RALGPS2: variants seen among roughly 807,000 people sequenced by gnomAD.
RALGPS2 encodes Ral GEF with PH domain and SH3 binding motif 2.
RALGPS2 carries 43 observed loss-of-function variants against 86.8 expected under a neutral mutation model. The observed-to-expected ratio is 0.50, with a 90% CI of 0.39 to 0.64. RALGPS2 has a LOEUF of 0.64. Ranked by LOEUF, RALGPS2 falls within the 30% of genes least tolerant of loss-of-function variation. The pLI is 0.00. For missense variants in RALGPS2, 536 were observed against 694.6 expected (o/e 0.77, Z 2.57); for synonymous variants, 243 against 231.3 (o/e 1.05, Z -0.46).
chr1:178,736,878 CAGA>C (rs1190337342), intron 1 of RALGPS2, among the ~76,000 whole-genome samples: 21 of 152,110 alleles, frequency 1.4e-4, no homozygotes, highest in African/African-American at 5.1e-4. Context: ...GCCTGGGCAA[CAGA>C]AGGACACCCC....
chr1:178,736,428 G>T (rs943010716), intron 1 of RALGPS2, among the ~76,000 whole-genome samples: 2 of 151,984 alleles, frequency 1.3e-5, no homozygotes. Context: ...TCCCAAAAGT[G>T]CTGGGATTAA....
intron 16 of RALGPS2, 165 bp downstream of exon 16, chr1:178,894,189 TC>T: frequency 2.0e-6 from 1 of 493,906 alleles, no homozygotes; most frequent in Non-Finnish European, 3.5e-6. Flanking sequence ...CATTCCAAGA[TC>T]CCCCGGGGAT....
At chr1:178,757,438 G>A (rs973970841) in intron 1 of RALGPS2, among the ~76,000 whole-genome samples, 2 of 152,032 alleles carry the variant, frequency 1.3e-5, no homozygotes, top group African/African-American at 4.8e-5. Flanking sequence ...TGTCATAGAT[G>A]GCTCTTATTA....
chr1:178,729,759 T>A (rs937923264), intron 1 of RALGPS2, among the ~76,000 whole-genome samples: 1 of 152,246 alleles, frequency 6.6e-6, no homozygotes, highest in African/African-American at 2.4e-5. Context: ...ATTTGAAATC[T>A]GAATTTTTCT....
At chr1:178,892,152 A>G (rs1247527534) in intron 14 of RALGPS2, 78 bp from the exon 15 acceptor site, 1 of 1,232,806 alleles carries the variant, frequency 8.1e-7, no homozygotes, top group Non-Finnish European at 1.2e-6. Context: ...AGAAACTATT[A>G]TACTGTTCTA....
intron 6 of RALGPS2, among the ~76,000 whole-genome samples, chr1:178,819,768 A>G (rs1655409073): frequency 1.3e-5 from 2 of 152,200 alleles, no homozygotes. Context: ...GACTTCTGGT[A>G]TGTAGTCCTT....
At chr1:178,754,936 A>G (rs1333162658) in intron 1 of RALGPS2, among the ~76,000 whole-genome samples, 1 of 152,180 alleles carries the variant, frequency 6.6e-6, no homozygotes, top group African/African-American at 2.4e-5. Context: ...AGTAGCTGGA[A>G]CTACAGGCAT....
chr1:178,864,299 A>G (rs1658233765), intron 8 of RALGPS2, among the ~76,000 whole-genome samples: 1 of 152,136 alleles, frequency 6.6e-6, no homozygotes, highest in African/African-American at 2.4e-5. Context: ...AATAATGAAC[A>G]TTTATATTTC....
chr1:178,853,975 C>T (rs1348001681), intron 8 of RALGPS2, among the ~76,000 whole-genome samples: 1 of 151,800 alleles, frequency 6.6e-6, no homozygotes, highest in East Asian at 1.9e-4. Flanking sequence ...TAATTTGTTT[C>T]GTTTTCATCT....
In RALGPS2 at chr1:178,897,657, T is replaced by G. The variant is rs1660006469; in HGVS notation, c.1432-7T>G. On this transcript the variant is annotated splice_region_variant and splice_polypyrimidine_tract_variant and intron_variant, in intron 16 of 19. Coordinates refer to ENST00000367635, the MANE Select transcript of RALGPS2 (RefSeq NM_152663.5). ...TAATAGTATATTCCTGTGTTTGTCC[T>G]ATCCAGGTAGCATCTTGGACAAAAT... is the stretch of plus-strand genomic sequence containing the variant. The G allele has an allele frequency of 4.4e-6, 7 of 1,604,282 alleles. No individual in the cohort carries two copies. The highest frequency in any genetic ancestry group is 1.3e-5 in the African/African-American group (1 of 74,646).
At chr1:178,759,799 C>A (rs1652146197) in intron 1 of RALGPS2, among the ~76,000 whole-genome samples, 1 of 151,812 alleles carries the variant, frequency 6.6e-6, no homozygotes, top group Non-Finnish European at 1.5e-5. Flanking sequence ...ACATCTTTTA[C>A]TTTTTTGGTT....
At chr1:178,759,800 T>C (rs565457279) in intron 1 of RALGPS2, among the ~76,000 whole-genome samples, 1 of 152,172 alleles carries the variant, frequency 6.6e-6, no homozygotes, top group South Asian at 2.1e-4. Context: ...CATCTTTTAC[T>C]TTTTTGGTTA....
chr1:178,750,579 C>A (rs1428892374), intron 1 of RALGPS2, among the ~76,000 whole-genome samples: 4 of 152,190 alleles, frequency 2.6e-5, no homozygotes, highest in Admixed American at 6.5e-5. Flanking sequence ...ATAAGGCAAC[C>A]TTAGCTTTTT....
chr1:178,904,677 G>A (rs1476940737), intron 18 of RALGPS2, among the ~76,000 whole-genome samples: 1 of 152,118 alleles, frequency 6.6e-6, no homozygotes, highest in Non-Finnish European at 1.5e-5. Flanking sequence ...GTTTACTTCA[G>A]AGTTCTCTAT....
chr1:178,836,341 C>T (rs138492361), intron 8 of RALGPS2, among the ~76,000 whole-genome samples: 1 of 152,268 alleles, frequency 6.6e-6, no homozygotes, highest in African/African-American at 2.4e-5. Flanking sequence ...TTGTTTTTCT[C>T]GTATCTTCCA....
At position 178,920,171 on chromosome 1, in the gene RALGPS2, AC is replaced by A. The variant is rs1355048445; in HGVS notation, c.*3813del. 1 of 152,030 alleles carries A rather than the reference AC, an allele frequency of 6.6e-6. No homozygotes were observed. The highest frequency in any genetic ancestry group is 1.5e-5 in the Non-Finnish European group (1 of 67,888). 9.4% of individuals were successfully genotyped at this position (152,030 alleles called of 1,614,324 possible). A position where few individuals can be genotyped will look rare whatever the true frequency, so the allele number is the denominator to read the frequency against. On this transcript the variant is annotated 3_prime_UTR_variant, in exon 20 of 20. Transcript: ENST00000367635. ...TATTTAATCACATTGATGATGAATT[AC>A]TTTCCATGTGAACCTTCTCAAAATG...
chr1:178,901,236 T>C (rs1036546137), intron 17 of RALGPS2, among the ~76,000 whole-genome samples: 1 of 152,038 alleles, frequency 6.6e-6, no homozygotes, highest in Non-Finnish European at 1.5e-5. Flanking sequence ...CTCCACCCAG[T>C]GTGAGGAACA....
chr1:178,901,263 G>A (rs1026320291), intron 17 of RALGPS2, among the ~76,000 whole-genome samples: 5 of 152,018 alleles, frequency 3.3e-5, no homozygotes, highest in East Asian at 1.9e-4. Flanking sequence ...TACTAGAACC[G>A]TCAAAGCCTT....
At chr1:178,815,376 C>T (rs532564430) in intron 6 of RALGPS2, among the ~76,000 whole-genome samples, 12 of 152,198 alleles carry the variant, frequency 7.9e-5, no homozygotes, top group East Asian at 7.7e-4. Context: ...TGAGCCACCG[C>T]GCCTGGCAGT....
Sources: gnomAD v4.1 joint callset for allele counts (sites outside exome capture counted in the v4.1 genomes callset) on GRCh38, gnomAD v4.1.1 for gene constraint, MANE v1.5 for transcripts, NCBI Gene and HGNC (gene_info 2026-07-23, HGNC 2026-07-21) for gene names.